Variants in ATAD2B observed in about 807,000 individuals in gnomAD.
The protein encoded by ATAD2B is ATPase family AAA domain-containing protein 2B.
A neutral mutation model predicts 167.6 loss-of-function variants in ATAD2B; 40 were observed. The observed-to-expected ratio is 0.24, with a 90% CI of 0.19 to 0.31. The LOEUF is 0.31. ATAD2B is among the 10% of genes least tolerant of loss of function. ATAD2B has a pLI of 1.00. For missense variants in ATAD2B, 1,242 were observed against 1,757.2 expected (o/e 0.71, Z 5.24); for synonymous variants, 579 against 596.5 (o/e 0.97, Z 0.43).
intron 18 of ATAD2B, among the ~76,000 whole-genome samples, chr2:23,807,828 A>AATATAT (rs1382797971): frequency 8.4e-5 from 10 of 119,038 alleles, no homozygotes; most frequent in Admixed American, 2.1e-4. Flanking sequence ...AAAAAAAAAA[A>AATATAT]ATATATATAT....
the ATAD2B span, among the ~76,000 whole-genome samples, chr2:23,725,039 T>C: frequency 1.9e-4 from 12 of 63,836 alleles, no homozygotes; most frequent in African/African-American, 3.3e-4. Context: ...CAAGACTCTG[T>C]CTCAAAAAAA....
chr2:23,700,439 G>A, the ATAD2B span, among the ~76,000 whole-genome samples: 16 of 152,078 alleles, frequency 1.1e-4, no homozygotes, highest in Admixed American at 2.0e-4. The surrounding 1 kb of genome is among the most constrained non-coding windows in gnomAD (Gnocchi z 4.6). Context: ...TGCCTATTGC[G>A]CCTCTCCAGG....
intron 5 of ATAD2B, among the ~76,000 whole-genome samples, chr2:23,885,247 G>A (rs1365773523): frequency 2.0e-5 from 3 of 152,184 alleles, no homozygotes; most frequent in Admixed American, 6.5e-5. Flanking sequence ...TTGTTATGGG[G>A]TAAAGGGAAG....
At chr2:23,683,928 T>C in the ATAD2B span, among the ~76,000 whole-genome samples, 31 of 152,320 alleles carry the variant, frequency 2.0e-4, no homozygotes, top group African/African-American at 6.7e-4. Context: ...TTTGCAGGTT[T>C]TGTGGTTGTG....
At chr2:23,707,747 A>G in the ATAD2B span, 1 of 152,176 alleles carries the variant, frequency 6.6e-6, no homozygotes, top group African/African-American at 2.4e-5. Flanking sequence ...ACTATTTTTG[A>G]TATTCATAGC....
chr2:23,679,493 C>T, the ATAD2B span, among the ~76,000 whole-genome samples: 311 of 152,198 alleles, frequency 2.0e-3, no homozygotes, highest in African/African-American at 7.3e-3. Context: ...GGGTCACTTC[C>T]ACCACATTCT....
At position 23,823,271 on chromosome 2, in the gene ATAD2B, ACT is replaced by A. The variant is rs1558603982; in HGVS notation, c.2116_2117del (p.Ser706Ter). ...AGTTTAGAGTACCTTCTTTTTTGTC[ACT>A]CTGGCTAATTTCAGCATGAGGAAAC... ...KVFPHAEISQ[S>X]DKKEDIETLI... On this transcript the variant is annotated frameshift_variant, in exon 16 of 28. Transcript: ENST00000238789. LOFTEE classifies it high-confidence loss of function. 1 of 1,605,714 alleles carries A rather than the reference ACT, an allele frequency of 6.2e-7. No individual in the cohort carries two copies. The highest frequency in any genetic ancestry group is 1.7e-5 in the Admixed American group (1 of 58,532).
intron 8 of ATAD2B, chr2:23,872,940 C>G: frequency 1.3e-6 from 1 of 758,098 alleles, no homozygotes; most frequent in South Asian, 1.3e-5. Context: ...TGGCATTGTA[C>G]CAGTCGCTGA....
At chr2:23,682,889 C>T in the ATAD2B span, among the ~76,000 whole-genome samples, 4 of 72 alleles carry the variant, frequency 0.056, no homozygotes, top group Non-Finnish European at 0.088. The surrounding 1 kb of genome is among the most constrained non-coding windows in gnomAD (Gnocchi z 4.1). Flanking sequence ...GTCAGTGATT[C>T]GGCCTTGCCA....
intron 9 of ATAD2B, among the ~76,000 whole-genome samples, chr2:23,868,653 C>A (rs560022889): frequency 6.6e-6 from 1 of 152,214 alleles, no homozygotes; most frequent in African/African-American, 2.4e-5. Context: ...AATTGTCTTT[C>A]CATTTTTTTC....
At chr2:23,918,530 A>C (rs1182069592) in intron 1 of ATAD2B, among the ~76,000 whole-genome samples, 1 of 152,198 alleles carries the variant, frequency 6.6e-6, no homozygotes, top group East Asian at 1.9e-4. Flanking sequence ...CTCCCTACAC[A>C]CTGCCTCCTG....
At chr2:23,881,146 G>A (rs960088786) in intron 6 of ATAD2B, among the ~76,000 whole-genome samples, 1 of 152,036 alleles carries the variant, frequency 6.6e-6, no homozygotes, top group South Asian at 2.1e-4. Flanking sequence ...AATACCACTT[G>A]ATAATTCAAA....
chr2:23,788,482 C>A, intron 20 of ATAD2B, 30 bp downstream of exon 20: 1 of 1,605,778 alleles, frequency 6.2e-7, no homozygotes, highest in Non-Finnish European at 8.5e-7. Flanking sequence ...TCCATCCCTC[C>A]CATTTTCCTA....
chr2:23,867,845 A>G lies in ATAD2B; in HGVS notation c.1178T>C (p.Ile393Thr). Residue 393 changes from isoleucine (I) to threonine (T), a missense_variant, in exon 10 of 28, where the codon ATT becomes ACT. This residue lies in a region of ATAD2B where 127 missense variants were observed against 146.3 expected (regional missense o/e 0.87). Coordinates refer to ENST00000238789, the MANE Select transcript of ATAD2B (RefSeq NM_017552.4). ...ATTTACAAAACTTACTGATTTATCA[A>G]TGTTCATTGGATCAACATCAGCCAA... ...ASLADVDPMN[I>T]DKSVRFDSIG... 4 of 1,604,444 alleles carry G rather than the reference A, an allele frequency of 2.5e-6. No homozygotes were observed. The highest frequency in any genetic ancestry group is 2.2e-5 in the East Asian group (1 of 44,828).
At chr2:23,895,524 C>G (rs1278153519) in intron 2 of ATAD2B, among the ~76,000 whole-genome samples, 2 of 151,978 alleles carry the variant, frequency 1.3e-5, no homozygotes, top group Non-Finnish European at 2.9e-5. Context: ...AAATATAACT[C>G]TGACCATATG....
chr2:23,715,013 T>C, the ATAD2B span, among the ~76,000 whole-genome samples: 4 of 152,274 alleles, frequency 2.6e-5, no homozygotes, highest in South Asian at 2.1e-4. Context: ...CATATTGTAA[T>C]ATTTTTAATT....
At position 23,884,746 on chromosome 2, in the gene ATAD2B, C is replaced by A; in HGVS notation, c.784+19G>T. ...CTCCCACCTGAACTTTCTAGAATTC[C>A]AAAAAGTGCTTTACAAACCTTCTTC... On this transcript the variant is annotated intron_variant, in intron 6 of 27. Transcript: ENST00000238789. 1 of 1,465,292 alleles carries A rather than the reference C, an allele frequency of 6.8e-7. No individual in the cohort carries two copies. Among genetic ancestry groups the A allele is most frequent in the Non-Finnish European group, 9.3e-7 (1 of 1,078,514 alleles). 90.8% of individuals were successfully genotyped at this position (1,465,292 alleles called of 1,614,324 possible). A position where few individuals can be genotyped will look rare whatever the true frequency, so the allele number is the denominator to read the frequency against.
chr2:23,719,928 G>T, the ATAD2B span, among the ~76,000 whole-genome samples: 1 of 152,204 alleles, frequency 6.6e-6, no homozygotes, highest in African/African-American at 2.4e-5. Context: ...TGCTGTAGGA[G>T]GTTCATCCCA....
chr2:23,837,121 C>T (rs1690111416), intron 13 of ATAD2B, among the ~76,000 whole-genome samples: 1 of 152,228 alleles, frequency 6.6e-6, no homozygotes, highest in South Asian at 2.1e-4. Context: ...CCCTCAGCTT[C>T]CCACCCAAGC....
Sources: allele counts gnomAD v4.1 joint callset (sites outside exome capture counted in the v4.1 genomes callset), GRCh38; gene constraint gnomAD v4.1.1; regional missense constraint gnomAD v4.1.1; non-coding constraint Gnocchi (gnomAD v3.1); transcripts MANE v1.5; gene names NCBI Gene and HGNC (gene_info 2026-07-23, HGNC 2026-07-21).